Variants in ASPSCR1 observed in about 807,000 individuals in gnomAD.
ASPSCR1 encodes ASPSCR1 tether for SLC2A4, UBX domain containing, also known as tether containing UBX domain for GLUT4.
In ASPSCR1, 55 loss-of-function variants were observed where a neutral mutation model predicts 68.9. The observed-to-expected ratio is 0.80, with a 90% CI of 0.64 to 1.00. ASPSCR1 has a LOEUF of 1.00. Ranked by LOEUF, ASPSCR1 falls within the 50% of genes least tolerant of loss-of-function variation. The pLI, the probability that ASPSCR1 is intolerant of heterozygous loss-of-function variation, is 0.00. For synonymous variants in ASPSCR1, 352 were observed against 332.6 expected, an observed-to-expected ratio of 1.06 and a Z score of -0.63; for missense variants, 765 against 762.2, an observed-to-expected ratio of 1.00 and a Z score of -0.04.
chr17:82,013,238 C>A (rs2144099854), intron 12 of ASPSCR1: 1 of 152,234 alleles, frequency 6.6e-6, no homozygotes. Flanking sequence ...CTTCCTCCGT[C>A]TCCATCCCCT....
intron 4 of ASPSCR1, among the ~76,000 whole-genome samples, chr17:81,993,609 C>T (rs2042242663): frequency 6.6e-6 from 1 of 152,238 alleles, no homozygotes. Context: ...CAGGTGGGTT[C>T]AGGCGGAGGC....
rs1395764354 is a variant in ASPSCR1, at chr17:82,017,294, G to A, written c.1649-15G>A. 2 of 1,611,284 alleles carry A rather than the reference G, an allele frequency of 1.2e-6. No homozygotes were observed. Among genetic ancestry groups the A allele is most frequent in the East Asian group, 2.2e-5 (1 of 44,892 alleles). ...GCCCGGGGTGTGTGGTCACCCTGAT[G>A]TGTCTGCACTACAGCCAGCAAGAGG... On this transcript the variant is annotated splice_polypyrimidine_tract_variant and intron_variant, in intron 15 of 15. Coordinates refer to ENST00000306739, the MANE Select transcript of ASPSCR1 (RefSeq NM_024083.4).
At chr17:81,984,968 GCA>G (rs1369527349) in intron 3 of ASPSCR1, among the ~76,000 whole-genome samples, 2 of 63,794 alleles carry the variant, frequency 3.1e-5, no homozygotes, top group Non-Finnish European at 2.8e-5. Context: ...CCACACACCT[GCA>G]CACACCCACA....
intron 7 of ASPSCR1, 88 bp downstream of exon 7, chr17:81,996,934 C>T (rs2042365232): frequency 8.6e-6 from 13 of 1,509,120 alleles, no homozygotes; most frequent in Admixed American, 2.3e-5. Context: ...AGCCTGGTGG[C>T]GTGGCCGTGA....
intron 2 of ASPSCR1, chr17:81,982,467 C>G (rs1347682093): frequency 6.6e-6 from 1 of 152,296 alleles, no homozygotes; most frequent in Non-Finnish European, 1.5e-5. Flanking sequence ...ACAGTGCCCT[C>G]CGCTCCAAGG....
In ASPSCR1 at chr17:81,999,822, T is replaced by C. The variant is rs547504557; in HGVS notation, c.933+2976T>C. Reference sequence around the variant, plus strand: ...CCCTCTTGCCTCCCGGCCACACACCTGGGAGGGCAGAGGCCGGGCGTCTGC... The same window carrying C: ...CCCTCTTGCCTCCCGGCCACACACCCGGGAGGGCAGAGGCCGGGCGTCTGC... On this transcript the variant is annotated intron_variant, in intron 7 of 15. Transcript: ENST00000306739. This position sits in a 1 kb window ranked among gnomAD's most constrained non-coding sequence, Gnocchi z 4.4. Among the ~76,000 whole-genome samples, 17 of 152,158 alleles carry C rather than the reference T, an allele frequency of 1.1e-4. No homozygotes were observed. Among genetic ancestry groups the C allele is most frequent in the African/African-American group, 3.4e-4 (14 of 41,524 alleles).
At chr17:81,984,571 CTT>C (rs2041902032) in intron 3 of ASPSCR1, among the ~76,000 whole-genome samples, 4 of 149,726 alleles carry the variant, frequency 2.7e-5, no homozygotes, top group Non-Finnish European at 4.4e-5. Context: ...CAGAGTGAGA[CTT>C]TGTCTCAAAA....
rs2042452556 is a variant in ASPSCR1 at position 81,999,302 on chromosome 17, A to G, written c.933+2456A>G. On this transcript the variant is annotated intron_variant, in intron 7 of 15. Coordinates refer to ENST00000306739, the MANE Select transcript of ASPSCR1 (RefSeq NM_024083.4). The surrounding 1 kb of genome is among the most constrained non-coding windows in gnomAD (Gnocchi z 4.4). ...GACGTAGTGGGCCTGGAAGGCCCCC[A>G]TGCCTCCATCTCCTGTGGACATTTA... 1.3e-5 allele frequency among the ~76,000 whole-genome samples: 2 copies of G among 152,176 alleles called. No individual in the cohort carries two copies. The highest frequency in any genetic ancestry group is 4.1e-4 in the South Asian group (2 of 4,834).
Position 81,977,997 on chromosome 17 carries a change from G to A in ASPSCR1, c.102+249G>A. 1 of 269,962 alleles carries A rather than the reference G, an allele frequency of 3.7e-6. No individual in the cohort carries two copies. The highest frequency in any genetic ancestry group is 6.9e-6 in the Non-Finnish European group (1 of 144,900). 16.7% of individuals were successfully genotyped at this position (269,962 alleles called of 1,614,324 possible). Reference sequence around the variant, plus strand: ...CCCAGGGGTGAGGTAGAACGGCGCCGCGTGTCACCCGCATCGAGTACTCGG... The same window carrying A: ...CCCAGGGGTGAGGTAGAACGGCGCCACGTGTCACCCGCATCGAGTACTCGG... On this transcript the variant is annotated intron_variant, in intron 1 of 15. Transcript: ENST00000306739. This position sits in a 1 kb window ranked among gnomAD's most constrained non-coding sequence, Gnocchi z 5.0.
chr17:82,012,685 G>T (rs990982556), intron 12 of ASPSCR1, among the ~76,000 whole-genome samples: 2 of 152,148 alleles, frequency 1.3e-5, no homozygotes, highest in African/African-American at 4.8e-5. Context: ...AGCTGGAGGC[G>T]GCCGCCTTGG....
intron 5 of ASPSCR1, 55 bp from the exon 6 acceptor site, chr17:81,995,937 C>G (rs1285602177): frequency 1.9e-6 from 3 of 1,572,320 alleles, no homozygotes; most frequent in African/African-American, 2.7e-5. Flanking sequence ...GAGGGCTTCC[C>G]TGGGCTCTGG....
intron 7 of ASPSCR1, among the ~76,000 whole-genome samples, chr17:82,003,435 G>A (rs1049840970): frequency 1.3e-5 from 2 of 152,246 alleles, no homozygotes; most frequent in Non-Finnish European, 2.9e-5. Flanking sequence ...GCAACAGAGC[G>A]AGACGCTGTC....
At position 82,001,338 on chromosome 17, in the gene ASPSCR1, A is replaced by G. The variant is rs1216784944; in HGVS notation, c.933+4492A>G. ...AGCCCCCACATCCGACGCGGTGCAG[A>G]CTCCCATCCCTGCGGCCAGCACAGT... is the stretch of plus-strand genomic sequence containing the variant. On this transcript the variant is annotated intron_variant, in intron 7 of 15. Transcript: ENST00000306739. Among the ~76,000 whole-genome samples the G allele has an allele frequency of 4.6e-5, 7 of 151,852 alleles. No individual in the cohort carries two copies. The East Asian group carries it at 1.4e-3, about 29-fold the overall frequency.
Position 81,983,260 on chromosome 17 carries a change from T to C in ASPSCR1, c.159-294T>C, listed in dbSNP as rs896143312. ...GTTCTCTCTGTGTTTTCCGAGCGTCTGCACTGGGGCTGTCAGCACCCCAGA... is the reference window on the plus strand; with the variant it reads ...GTTCTCTCTGTGTTTTCCGAGCGTCCGCACTGGGGCTGTCAGCACCCCAGA... On this transcript the variant is annotated intron_variant, in intron 2 of 15. Transcript: ENST00000306739. The surrounding 1 kb of genome is among the most constrained non-coding windows in gnomAD (Gnocchi z 4.4). Among the ~76,000 whole-genome samples the C allele has an allele frequency of 2.0e-5, 3 of 152,188 alleles. No homozygotes were observed. The highest frequency in any genetic ancestry group is 7.2e-5 in the African/African-American group (3 of 41,452).
rs929150779 is a variant in ASPSCR1, at chr17:81,988,335, C to A, written c.374+2728C>A. ...AATTAGCTGGGCGCAATGGCTCATG[C>A]TTGTAGTCCCAGCTACTCAGGAGGC... On this transcript the variant is annotated intron_variant, in intron 4 of 15. Transcript: ENST00000306739. Among the ~76,000 whole-genome samples, 8 of 151,826 alleles carry A rather than the reference C, an allele frequency of 5.3e-5. No individual in the cohort carries two copies. In the South Asian group the frequency reaches 1.5e-3, roughly 28 times the overall value.
At chr17:82,000,358 G>A (rs2042488395) in intron 7 of ASPSCR1, among the ~76,000 whole-genome samples, 2 of 152,212 alleles carry the variant, frequency 1.3e-5, no homozygotes, top group South Asian at 2.1e-4. Flanking sequence ...GGGAGGGAGC[G>A]TGTGCCTGGC....
chr17:81,993,359 G>A (rs191365132), intron 4 of ASPSCR1, among the ~76,000 whole-genome samples: 3,636 of 152,118 alleles, frequency 0.024, 147 homozygotes, highest in African/African-American at 0.083. Context: ...GACCACAGGC[G>A]CCCGCCACCA....
At chr17:82,009,290 G>A (rs116024081) in intron 8 of ASPSCR1, 99 bp downstream of exon 8, 18,309 of 1,456,034 alleles carry the variant, frequency 0.013, 638 homozygotes, top group African/African-American at 0.12. Context: ...ACTGGCTCCC[G>A]GCCCAGGTCC....
intron 7 of ASPSCR1, chr17:82,005,243 G>C (rs1422276286): frequency 6.6e-6 from 1 of 152,236 alleles, no homozygotes. Context: ...TGGCAGGGTG[G>C]GGCGCCGGGG....
Sources: gnomAD v4.1 joint callset for allele counts (sites outside exome capture counted in the v4.1 genomes callset) on GRCh38, gnomAD v4.1.1 for gene constraint, Gnocchi (gnomAD v3.1) non-coding constraint, MANE v1.5 for transcripts, NCBI Gene and HGNC (gene_info 2026-07-23, HGNC 2026-07-21) for gene names.